Variants in C1orf185 observed in about 807,000 individuals in gnomAD.
C1orf185 encodes chromosome 1 open reading frame 185.
A neutral mutation model predicts 16.1 loss-of-function variants in C1orf185; 13 were observed. The ratio of observed to expected loss-of-function variants is 0.81; its 90% CI spans 0.53 to 1.28. The LOEUF (loss-of-function observed/expected upper bound fraction) is 1.28. C1orf185 is among the 50% of genes most tolerant of loss of function. C1orf185 has a pLI of 0.00. For missense variants in C1orf185, 220 were observed against 225.2 expected, an observed-to-expected ratio of 0.98 and a Z score of 0.15; for synonymous variants, 80 against 76.9, an observed-to-expected ratio of 1.04 and a Z score of -0.21.
At chr1:51,108,766 A>C (rs1248431632) in intron 1 of C1orf185, among the ~76,000 whole-genome samples, 1 of 152,204 alleles carries the variant, frequency 6.6e-6, no homozygotes, top group Admixed American at 6.5e-5. Context: ...ATTAGGACTG[A>C]ATAATACTCC....
chr1:51,110,631 C>T (rs1171595303), intron 1 of C1orf185, among the ~76,000 whole-genome samples: 1 of 152,118 alleles, frequency 6.6e-6, no homozygotes, highest in Non-Finnish European at 1.5e-5. Context: ...TAATATACTC[C>T]TCAGTTGTCT....
Position 51,145,736 on chromosome 1 carries a change from A to G in C1orf185, c.271A>G (p.Lys91Glu). 1 of 1,318,694 alleles carries G rather than the reference A, an allele frequency of 7.6e-7. No homozygotes were observed. 81.7% of individuals were successfully genotyped at this position (1,318,694 alleles called of 1,614,324 possible). ...GRFQLQEEQR[K>E]KEAAHIKAIK... is the part of the protein sequence containing the mutation. ...TTTTTTAATGTAGGAGGAGCAAAGA[A>G]AAAAGGAAGCAGCACATATAAAAGG... The change falls in exon 4 of 5, where the codon AAA becomes GAA. Residue 91 changes from lysine to glutamate, a missense_variant. Lys to Glu is a moderately conservative substitution (Grantham distance 56). Transcript: ENST00000371759.
At chr1:51,126,300 G>T (rs117158720) in intron 3 of C1orf185, among the ~76,000 whole-genome samples, 5,575 of 152,058 alleles carry the variant, frequency 0.037, 278 homozygotes, top group African/African-American at 0.11. Flanking sequence ...GTCTTGCTCC[G>T]TTGCCCAGGC....
intron 3 of C1orf185, among the ~76,000 whole-genome samples, chr1:51,125,298 G>A (rs556414853): frequency 6.6e-6 from 1 of 152,276 alleles, no homozygotes; most frequent in Non-Finnish European, 1.5e-5. Context: ...CTTTTAGGGG[G>A]TTATAAACAT....
Position 51,104,643 on chromosome 1 carries a change from T to C in C1orf185, c.16+2394T>C, listed in dbSNP as rs142450765. Among the ~76,000 whole-genome samples, 596 of 152,270 alleles carry C rather than the reference T, an allele frequency of 3.9e-3. 2 individuals carry two copies. The highest frequency in any genetic ancestry group is 0.014 in the African/African-American group (561 of 41,554). On this transcript the variant is annotated intron_variant, in intron 1 of 4. Transcript: ENST00000371759. ...TTTTAAGAAGTTTGGCTATAAATGG[T>C]AAGAAAAGGGCCAATTGTAAGCTGG...
chr1:51,104,302 A>G (rs1416189311), intron 1 of C1orf185, among the ~76,000 whole-genome samples: 2 of 152,238 alleles, frequency 1.3e-5, no homozygotes, highest in African/African-American at 2.4e-5. Flanking sequence ...CAGGACTTAT[A>G]GTTCAGGAAA....
chr1:51,128,995 C>T (rs1181806463), intron 3 of C1orf185, among the ~76,000 whole-genome samples: 1 of 152,024 alleles, frequency 6.6e-6, no homozygotes, highest in Non-Finnish European at 1.5e-5. Context: ...AGTGATTCTC[C>T]TGCCTCAGCC....
At chr1:51,133,914 T>C (rs1039373055) in intron 3 of C1orf185, among the ~76,000 whole-genome samples, 2 of 152,174 alleles carry the variant, frequency 1.3e-5, no homozygotes, top group Non-Finnish European at 2.9e-5. Flanking sequence ...AAACCCTGTC[T>C]CTATTAAAAA....
chr1:51,143,711 T>A (rs1461729913), intron 3 of C1orf185, among the ~76,000 whole-genome samples: 2 of 152,244 alleles, frequency 1.3e-5, no homozygotes, highest in African/African-American at 4.8e-5. Flanking sequence ...TCACCCAGTC[T>A]GGAATGCAGT....
intron 3 of C1orf185, among the ~76,000 whole-genome samples, chr1:51,127,328 G>A (rs1043399101): frequency 6.6e-6 from 1 of 150,806 alleles, no homozygotes; most frequent in East Asian, 1.9e-4. Flanking sequence ...CGCTCTTGTC[G>A]CCCAAGCTGG....
At chr1:51,106,796 T>A (rs568890902) in intron 1 of C1orf185, among the ~76,000 whole-genome samples, 57 of 151,106 alleles carry the variant, frequency 3.8e-4, no homozygotes, top group Non-Finnish European at 6.6e-4. Flanking sequence ...TCTTGCTGTG[T>A]CACCAGGCTG....
intron 1 of C1orf185, among the ~76,000 whole-genome samples, chr1:51,110,917 C>A (rs780661273): frequency 6.6e-6 from 1 of 151,004 alleles, no homozygotes; most frequent in African/African-American, 2.4e-5. Context: ...TGCAGTGAGC[C>A]GAGATCTCAC....
chr1:51,103,656 C>T (rs1242970371), intron 1 of C1orf185, among the ~76,000 whole-genome samples: 2 of 151,746 alleles, frequency 1.3e-5, no homozygotes, highest in Admixed American at 6.6e-5. Context: ...GCCTCAGCTG[C>T]CCCGCTAACT....
intron 3 of C1orf185, among the ~76,000 whole-genome samples, chr1:51,142,598 A>C (rs1646372385): frequency 6.6e-6 from 1 of 152,192 alleles, no homozygotes; most frequent in Non-Finnish European, 1.5e-5. Context: ...TCATGTTACT[A>C]TCTCTCCTTG....
chr1:51,131,506 G>A (rs1646285136), intron 3 of C1orf185, among the ~76,000 whole-genome samples: 1 of 152,012 alleles, frequency 6.6e-6, no homozygotes, highest in Admixed American at 6.6e-5. Flanking sequence ...GGGCTTGGTG[G>A]CTCACACCTA....
intron 3 of C1orf185, 62 bp downstream of exon 3, chr1:51,118,863 C>A: frequency 1.7e-6 from 2 of 1,170,292 alleles, no homozygotes; most frequent in Non-Finnish European, 2.2e-6. Context: ...ATGTTATTAG[C>A]ATTGCTGTCT....
intron 1 of C1orf185, among the ~76,000 whole-genome samples, chr1:51,105,657 T>C (rs562999282): frequency 6.6e-6 from 1 of 152,174 alleles, no homozygotes; most frequent in Non-Finnish European, 1.5e-5. Flanking sequence ...TAAAGAATAT[T>C]ATTAATGATT....
intron 1 of C1orf185, among the ~76,000 whole-genome samples, chr1:51,102,994 A>G (rs1346679073): frequency 6.6e-6 from 1 of 152,118 alleles, no homozygotes; most frequent in Non-Finnish European, 1.5e-5. Flanking sequence ...TTACAATGTG[A>G]TTTTAAATTT....
intron 4 of C1orf185, 65 bp from the exon 5 acceptor site, chr1:51,147,402 A>G: frequency 1.5e-6 from 2 of 1,374,518 alleles, no homozygotes; most frequent in Non-Finnish European, 1.9e-6. Flanking sequence ...CCATTCTGAC[A>G]TTGTCCTTAT....
Sources: allele counts gnomAD v4.1 joint callset (sites outside exome capture counted in the v4.1 genomes callset), GRCh38; gene constraint gnomAD v4.1.1; transcripts MANE v1.5; gene names NCBI Gene and HGNC (gene_info 2026-07-23, HGNC 2026-07-21).